CFDP1: variants seen among roughly 807,000 people sequenced by gnomAD.
CFDP1 encodes the protein chromatin remodeling protein CFDP1, also known as heterochromatin-stabilizing protein CFDP1.
A neutral mutation model predicts 40.1 loss-of-function variants in CFDP1; 31 were observed. The ratio of observed to expected loss-of-function variants is 0.77; its 90% CI spans 0.58 to 1.04. The LOEUF (loss-of-function observed/expected upper bound fraction) is 1.04, where lower values mean the gene tolerates loss of function less well. Ranked by LOEUF, CFDP1 falls within the 50% of genes least tolerant of loss-of-function variation. CFDP1 has a pLI of 0.00. For missense variants in CFDP1, 423 were observed against 343.4 expected, an observed-to-expected ratio of 1.23 and a Z score of -1.83; for synonymous variants, 167 against 120.0, an observed-to-expected ratio of 1.39 and a Z score of -2.56.
At chr16:75,425,727 C>G (rs1381443287) in intron 1 of CFDP1, among the ~76,000 whole-genome samples, 1 of 151,134 alleles carries the variant, frequency 6.6e-6, no homozygotes, top group East Asian at 1.9e-4. Flanking sequence ...ATAATGATAA[C>G]TGATTTTTTA....
At chr16:75,317,144 T>C (rs1025901079) in intron 5 of CFDP1, among the ~76,000 whole-genome samples, 1 of 152,214 alleles carries the variant, frequency 6.6e-6, no homozygotes, top group African/African-American at 2.4e-5. Flanking sequence ...GGCCCTCGCC[T>C]AGATGAGTGG....
chr16:75,422,545 C>T (rs1044010556), intron 1 of CFDP1, among the ~76,000 whole-genome samples: 4 of 151,840 alleles, frequency 2.6e-5, no homozygotes, highest in Non-Finnish European at 5.9e-5. Flanking sequence ...CAGGTATGCA[C>T]CACCACTCCC....
chr16:75,322,103 C>T (rs1455377440), intron 5 of CFDP1, among the ~76,000 whole-genome samples: 3 of 152,238 alleles, frequency 2.0e-5, no homozygotes, highest in Non-Finnish European at 2.9e-5. Context: ...GGGTTACAGG[C>T]GTGAGCCACC....
At chr16:75,358,139 AATAAT>A (rs143170166) in intron 5 of CFDP1, among the ~76,000 whole-genome samples, 10,035 of 152,214 alleles carry the variant, frequency 0.066, 351 homozygotes, top group Middle Eastern at 0.13. Context: ...ACACCGCCAT[AATAAT>A]ATAATAATAA....
At chr16:75,373,112 C>G (rs2078766096) in intron 5 of CFDP1, among the ~76,000 whole-genome samples, 1 of 152,172 alleles carries the variant, frequency 6.6e-6, no homozygotes, top group African/African-American at 2.4e-5. Context: ...CAGCTACTCC[C>G]ATCTGTCTAC....
At chr16:75,342,465 C>T (rs755818882) in intron 5 of CFDP1, among the ~76,000 whole-genome samples, 1 of 152,168 alleles carries the variant, frequency 6.6e-6, no homozygotes, top group African/African-American at 2.4e-5. Flanking sequence ...GACTCATTAA[C>T]AGAAAGGCTG....
intron 1 of CFDP1, among the ~76,000 whole-genome samples, chr16:75,421,318 A>G (rs1027564344): frequency 3.3e-5 from 5 of 152,344 alleles, no homozygotes; most frequent in East Asian, 1.9e-4. Context: ...AGCCTAAATT[A>G]TCATGGCTGT....
chr16:75,369,672 A>G (rs1056791058), intron 5 of CFDP1, among the ~76,000 whole-genome samples: 5 of 152,242 alleles, frequency 3.3e-5, no homozygotes, highest in Admixed American at 6.5e-5. Context: ...TCTAGTGCTC[A>G]GAGTCTCAAC....
chr16:75,305,118 T>C lies in CFDP1; in HGVS notation c.715A>G (p.Ser239Gly), dbSNP rs764084803. Reference sequence around the variant, plus strand: ...TCCAGTTTGGACTTCTCAAGGGTGCTCATTTTCTGCTTCTTGGCACCAATT... The same window carrying C: ...TCCAGTTTGGACTTCTCAAGGGTGCCCATTTTCTGCTTCTTGGCACCAATT... The part of the protein sequence containing the change: ...GKIGAKKQKM[S>G]TLEKSKLDWE... The change falls in exon 6 of 7, where the codon AGC becomes GGC. Residue 239 changes from serine (S) to glycine (G), a missense_variant. Ser to Gly is a moderately conservative substitution (Grantham distance 56). Transcript: ENST00000283882. 5 of 1,614,196 alleles carry C rather than the reference T, an allele frequency of 3.1e-6. No homozygotes were observed. Among genetic ancestry groups the C allele is most frequent in the Admixed American group, 1.7e-5 (1 of 60,018 alleles).
chr16:75,389,992 T>A (rs1250341266), intron 5 of CFDP1, among the ~76,000 whole-genome samples: 2 of 152,214 alleles, frequency 1.3e-5, no homozygotes, highest in African/African-American at 2.4e-5. Flanking sequence ...ATTAAACACG[T>A]ACATTTTCAC....
intron 5 of CFDP1, among the ~76,000 whole-genome samples, chr16:75,316,448 T>C (rs1011009585): frequency 2.0e-5 from 3 of 151,884 alleles, no homozygotes; most frequent in Non-Finnish European, 2.9e-5. Flanking sequence ...CTCACGCCTA[T>C]AATTCAAGCA....
At chr16:75,424,404 AC>A (rs2079310903) in intron 1 of CFDP1, among the ~76,000 whole-genome samples, 1 of 152,134 alleles carries the variant, frequency 6.6e-6, no homozygotes, top group South Asian at 2.1e-4. Flanking sequence ...TCTGTGAAAA[AC>A]CTATAGCTAA....
chr16:75,340,702 G>A lies in CFDP1; in HGVS notation c.651-35520C>T, dbSNP rs146596348. 5.9e-5 allele frequency among the ~76,000 whole-genome samples: 9 copies of A among 152,280 alleles called. No individual in the cohort carries two copies. In the East Asian group the frequency reaches 1.5e-3, roughly 26 times the overall value. On this transcript the variant is annotated intron_variant, in intron 5 of 6. Transcript: ENST00000283882. ...AAGAAAGAGAAGCCCATTGATAGACGCTCTACTTCTCTGTCACAGATTCTT... is the reference window on the plus strand; with the variant it reads ...AAGAAAGAGAAGCCCATTGATAGACACTCTACTTCTCTGTCACAGATTCTT...
At chr16:75,339,860 A>G (rs2078514599) in intron 5 of CFDP1, among the ~76,000 whole-genome samples, 1 of 152,350 alleles carries the variant, frequency 6.6e-6, no homozygotes, top group African/African-American at 2.4e-5. Flanking sequence ...CACTAATACC[A>G]AGGATCTTAT....
rs143822776 is a variant in CFDP1, at chr16:75,308,157, C to T, written c.651-2975G>A. 6.9e-3 allele frequency among the ~76,000 whole-genome samples: 1,054 copies of T among 152,324 alleles called. 9 individuals carry two copies. Among genetic ancestry groups the T allele is most frequent in the African/African-American group, 0.024 (1,005 of 41,576 alleles). ...AGTACTGCCTGGACAGGTGGTGGAG[C>T]TCAAGCCATTGGGGCTAGCCTGAAG... is the stretch of plus-strand genomic sequence containing the variant. On this transcript the variant is annotated intron_variant, in intron 5 of 6. Transcript: ENST00000283882.
At chr16:75,349,890 T>TG (rs1292301936) in intron 5 of CFDP1, among the ~76,000 whole-genome samples, 2 of 151,432 alleles carry the variant, frequency 1.3e-5, no homozygotes, top group Non-Finnish European at 2.9e-5. Flanking sequence ...CTTGTCTAAC[T>TG]GCCCTGGCTA....
chr16:75,303,789 A>T (rs923609997), intron 6 of CFDP1, among the ~76,000 whole-genome samples: 6 of 152,206 alleles, frequency 3.9e-5, no homozygotes, highest in African/African-American at 1.4e-4. Context: ...CATCACAACC[A>T]CATAGTGAGG....
chr16:75,318,613 C>G (rs1000377951), intron 5 of CFDP1, among the ~76,000 whole-genome samples: 1 of 152,010 alleles, frequency 6.6e-6, no homozygotes, highest in Non-Finnish European at 1.5e-5. Context: ...ACCGTGTTAG[C>G]CAGGATGGTC....
chr16:75,308,947 G>C (rs1484120060), intron 5 of CFDP1, among the ~76,000 whole-genome samples: 1 of 152,220 alleles, frequency 6.6e-6, no homozygotes, highest in Non-Finnish European at 1.5e-5. Flanking sequence ...GTGCTATTAT[G>C]CTTTTGGGGA....
Sources: allele counts gnomAD v4.1 joint callset (sites outside exome capture counted in the v4.1 genomes callset), GRCh38; gene constraint gnomAD v4.1.1; transcripts MANE v1.5; gene names NCBI Gene and HGNC (gene_info 2026-07-23, HGNC 2026-07-21).